The following CA1 variants were observed in gnomAD, a reference collection of about 807,000 sequenced individuals.
The protein encoded by CA1 is carbonate dehydratase I.
Under a neutral mutation model 28.8 loss-of-function variants are expected in CA1, and 27 were observed. That is an observed-to-expected ratio of 0.94 (90% CI 0.69 to 1.29). CA1 has a LOEUF of 1.29. CA1 is among the 50% of genes most tolerant of loss of function. The probability of loss-of-function intolerance (pLI) is 0.00; values close to 1 mark genes in which losing one functional copy is unlikely to be tolerated. For missense variants in CA1, 335 were observed against 310.5 expected (o/e 1.08, Z -0.59); for synonymous variants, 121 against 108.8 (o/e 1.11, Z -0.70).
At chr8:85,341,942 G>A in intron 1 of CA1, 1 of 259,254 alleles carries the variant, frequency 3.9e-6, no homozygotes, top group East Asian at 8.0e-5. Context: ...CATGTTAGTA[G>A]AAGATATGGC....
intron 1 of CA1, among the ~76,000 whole-genome samples, chr8:85,375,873 A>AG (rs1167226831): frequency 6.6e-6 from 1 of 152,218 alleles, no homozygotes; most frequent in African/African-American, 2.4e-5. Context: ...TTAATCACGT[A>AG]GGGAATGGTC....
intron 1 of CA1, among the ~76,000 whole-genome samples, chr8:85,375,138 CATT>C (rs2130419928): frequency 6.6e-6 from 1 of 152,316 alleles, no homozygotes; most frequent in South Asian, 2.1e-4. Context: ...GCTTAAGCAT[CATT>C]ATTTTTACAA....
chr8:85,375,325 G>A (rs867063294), intron 1 of CA1, among the ~76,000 whole-genome samples: 6 of 152,100 alleles, frequency 3.9e-5, no homozygotes, highest in South Asian at 2.1e-4. Context: ...AGAAGGCTTC[G>A]GAGGGAAGAA....
intron 5 of CA1, 132 bp from the exon 6 acceptor site, chr8:85,332,684 AG>A: frequency 1.4e-6 from 1 of 704,098 alleles, no homozygotes; most frequent in Non-Finnish European, 2.6e-6. Flanking sequence ...TTAGAAGGGG[AG>A]ATTTTTCAAG....
At chr8:85,346,195 G>C (rs777560197) in intron 1 of CA1, among the ~76,000 whole-genome samples, 49 of 152,010 alleles carry the variant, frequency 3.2e-4, no homozygotes, top group Non-Finnish European at 6.2e-4. Flanking sequence ...CATGCTAATT[G>C]AAATTACTGG....
At chr8:85,372,834 A>G (rs1810278890) in intron 1 of CA1, among the ~76,000 whole-genome samples, 2 of 152,100 alleles carry the variant, frequency 1.3e-5, no homozygotes, top group South Asian at 4.1e-4. Flanking sequence ...GCCTCTGTAC[A>G]TGCTGCCCTC....
intron 1 of CA1, among the ~76,000 whole-genome samples, chr8:85,376,807 G>A (rs560243367): frequency 7.2e-5 from 11 of 152,170 alleles, no homozygotes; most frequent in Non-Finnish European, 1.3e-4. Flanking sequence ...ATTGACTTTC[G>A]GGTCGTGTAG....
At chr8:85,353,626 CT>C (rs1412575661) in intron 1 of CA1, among the ~76,000 whole-genome samples, 1 of 151,808 alleles carries the variant, frequency 6.6e-6, no homozygotes, top group Non-Finnish European at 1.5e-5. Context: ...TTTTGTTTTA[CT>C]TTTTTTCCTT....
intron 1 of CA1, among the ~76,000 whole-genome samples, chr8:85,350,532 C>G (rs899033636): frequency 2.4e-4 from 37 of 152,164 alleles, no homozygotes; most frequent in African/African-American, 8.4e-4. Flanking sequence ...AAGACTGTCC[C>G]GGACTCTGCC....
At chr8:85,345,545 G>A (rs1303612080) in intron 1 of CA1, among the ~76,000 whole-genome samples, 1 of 151,888 alleles carries the variant, frequency 6.6e-6, no homozygotes, top group African/African-American at 2.4e-5. Flanking sequence ...TAATATGCCT[G>A]GAAAACAGTG....
chr8:85,329,205 A>G (rs982418861), intron 7 of CA1, among the ~76,000 whole-genome samples: 2 of 152,208 alleles, frequency 1.3e-5, no homozygotes, highest in African/African-American at 4.8e-5. Context: ...AAGGCACGTA[A>G]TAAACATGGT....
At chr8:85,341,417 T>C in intron 2 of CA1, 182 bp downstream of exon 2, 3 of 534,664 alleles carry the variant, frequency 5.6e-6, no homozygotes, top group Non-Finnish European at 1.0e-5. Flanking sequence ...AAACATATTT[T>C]GTAGTCAGCC....
At chr8:85,374,918 C>T (rs1183298212) in intron 1 of CA1, among the ~76,000 whole-genome samples, 2 of 152,136 alleles carry the variant, frequency 1.3e-5, no homozygotes, top group Non-Finnish European at 1.5e-5. Context: ...CAACTTTCCC[C>T]ATTTGGGTCT....
intron 1 of CA1, among the ~76,000 whole-genome samples, chr8:85,366,659 G>A (rs2130373414): frequency 6.6e-6 from 1 of 152,306 alleles, no homozygotes; most frequent in African/African-American, 2.4e-5. Context: ...GGAAATAAAT[G>A]TGCAAGGATG....
At chr8:85,332,429 G>T in intron 6 of CA1, 61 bp downstream of exon 6, 1 of 1,332,748 alleles carries the variant, frequency 7.5e-7, no homozygotes, top group South Asian at 1.2e-5. Flanking sequence ...TTCATTAAAT[G>T]ATTTCCATAG....
At position 85,328,159 on chromosome 8, in the gene CA1, G is replaced by C. The variant is rs1808248316; in HGVS notation, c.*401C>G. The C allele has an allele frequency of 6.2e-6, 1 of 160,568 alleles. No individual in the cohort carries two copies. Among genetic ancestry groups the C allele is most frequent in the Non-Finnish European group, 1.4e-5 (1 of 73,548 alleles). The allele number at this position is 160,568 out of a possible 1,614,324, so 9.9% of individuals were successfully genotyped here. A position where few individuals can be genotyped will look rare whatever the true frequency, so the allele number is the denominator to read the frequency against. On this transcript the variant is annotated 3_prime_UTR_variant, in exon 8 of 8. Coordinates refer to ENST00000523022, the MANE Select transcript of CA1 (RefSeq NM_001128831.4). ...GAAGCAAAATACTCTTGCAAGTAAA[G>C]TATTTAAGATTTTTGAATGTAAATG...
At chr8:85,356,681 C>T (rs983726421) in intron 1 of CA1, among the ~76,000 whole-genome samples, 1 of 152,000 alleles carries the variant, frequency 6.6e-6, no homozygotes, top group Admixed American at 6.6e-5. Flanking sequence ...TTTACTTAAT[C>T]TTAAAACTAA....
intron 1 of CA1, among the ~76,000 whole-genome samples, chr8:85,377,225 G>A (rs1306092375): frequency 6.6e-6 from 1 of 152,084 alleles, no homozygotes; most frequent in Admixed American, 6.6e-5. Flanking sequence ...GTGTTTGAAT[G>A]TTTAAGAGAA....
chr8:85,352,783 C>T (rs1258098661), intron 1 of CA1, among the ~76,000 whole-genome samples: 3 of 151,862 alleles, frequency 2.0e-5, no homozygotes. Flanking sequence ...TCTCGTGCCT[C>T]AGCCTGCAAG....
Sources: gnomAD v4.1 joint callset for allele counts (sites outside exome capture counted in the v4.1 genomes callset) on GRCh38, gnomAD v4.1.1 for gene constraint, MANE v1.5 for transcripts, NCBI Gene and HGNC (gene_info 2026-07-23, HGNC 2026-07-21) for gene names.